The following LYRM4 variants were observed in gnomAD, a reference collection of about 807,000 sequenced individuals.
LYRM4 encodes LYR motif-containing protein 4.
Under a neutral mutation model 11.7 loss-of-function variants are expected in LYRM4, and 9 were observed. The observed-to-expected ratio is 0.77, with a 90% CI of 0.46 to 1.34. The LOEUF is 1.34. Among genes scored for constraint, LYRM4 ranks in the 40% most tolerant of loss-of-function variants. The pLI is 0.00. For synonymous variants in LYRM4, 42 were observed against 40.4 expected, an observed-to-expected ratio of 1.04 and a Z score of -0.15; for missense variants, 133 against 112.5, an observed-to-expected ratio of 1.18 and a Z score of -0.82.
intron 1 of LYRM4, among the ~76,000 whole-genome samples, chr6:5,256,144 CATCAGAAT>C (rs1764654306): frequency 6.6e-6 from 1 of 151,908 alleles, no homozygotes; most frequent in African/African-American, 2.4e-5. Context: ...TTCTAGGGAA[CATCAGAAT>C]TGAAGGAGTT....
intron 1 of LYRM4, among the ~76,000 whole-genome samples, chr6:5,251,706 T>C (rs1027352407): frequency 1.3e-5 from 2 of 152,202 alleles, no homozygotes; most frequent in African/African-American, 4.8e-5. Flanking sequence ...CATTTCAGCA[T>C]GAGATCTGGG....
intron 2 of LYRM4, among the ~76,000 whole-genome samples, chr6:5,173,509 C>T (rs1288274929): frequency 1.3e-5 from 2 of 152,206 alleles, no homozygotes; most frequent in Non-Finnish European, 2.9e-5. Context: ...TTAAAGATGC[C>T]ACACTTTAAA....
intron 2 of LYRM4, among the ~76,000 whole-genome samples, chr6:5,157,739 G>C (rs1182525586): frequency 1.3e-5 from 2 of 152,102 alleles, no homozygotes; most frequent in African/African-American, 4.8e-5. Context: ...AATGCCACAA[G>C]AGGCTGTTCC....
chr6:5,160,652 AC>A (rs56951080), intron 2 of LYRM4, among the ~76,000 whole-genome samples: 115,302 of 147,690 alleles, frequency 0.78, 44,507 homozygotes, highest in East Asian at 0.84. Context: ...TGATTATGAG[AC>A]CCCCCCCCCA....
chr6:5,047,087 A>G, the LYRM4 span, among the ~76,000 whole-genome samples: 1 of 152,032 alleles, frequency 6.6e-6, no homozygotes, highest in Non-Finnish European at 1.5e-5. Context: ...CTGAGACCCT[A>G]TCTCAAAAAA....
At chr6:5,055,942 C>T in the LYRM4 span, among the ~76,000 whole-genome samples, 9 of 151,810 alleles carry the variant, frequency 5.9e-5, no homozygotes, top group South Asian at 1.7e-3. This position sits in a 1 kb window ranked among gnomAD's most constrained non-coding sequence, Gnocchi z 4.5. Flanking sequence ...TTCCTTCTTT[C>T]CTTCCTTCCC....
chr6:5,240,119 T>G (rs978197890), intron 1 of LYRM4, among the ~76,000 whole-genome samples: 34 of 152,316 alleles, frequency 2.2e-4, no homozygotes, highest in East Asian at 1.2e-3. Flanking sequence ...CACCTAGCTC[T>G]GCCAAACCTA....
chr6:5,052,807 A>G, the LYRM4 span, among the ~76,000 whole-genome samples: 1 of 152,228 alleles, frequency 6.6e-6, no homozygotes, highest in Non-Finnish European at 1.5e-5. Context: ...TATGCTGTCT[A>G]AGGAGCCCCT....
intron 1 of LYRM4, among the ~76,000 whole-genome samples, chr6:5,231,269 A>C (rs1418856051): frequency 6.6e-6 from 1 of 152,200 alleles, no homozygotes; most frequent in Non-Finnish European, 1.5e-5. Context: ...CAGTAACCTC[A>C]ACCATTCATA....
chr6:5,203,960 C>G (rs1296244237), intron 2 of LYRM4, among the ~76,000 whole-genome samples: 1 of 152,220 alleles, frequency 6.6e-6, no homozygotes. Flanking sequence ...GCAGCTGTCT[C>G]TTACTTACTG....
the LYRM4 span, among the ~76,000 whole-genome samples, chr6:5,078,910 C>CT: frequency 6.6e-6 from 1 of 152,086 alleles, no homozygotes; most frequent in Non-Finnish European, 1.5e-5. Context: ...TTCTAAAATG[C>CT]TTTTGCTCTT....
chr6:5,187,763 T>C (rs143273906), intron 2 of LYRM4, among the ~76,000 whole-genome samples: 1 of 151,696 alleles, frequency 6.6e-6, no homozygotes, highest in East Asian at 1.9e-4. Flanking sequence ...TAAAAATAAA[T>C]AAATAAAAAT....
intron 1 of LYRM4, among the ~76,000 whole-genome samples, chr6:5,234,323 T>C (rs1010495249): frequency 1.3e-5 from 2 of 152,232 alleles, no homozygotes; most frequent in African/African-American, 4.8e-5. Flanking sequence ...TATCACCCAA[T>C]GGCAAGTGGC....
At chr6:5,119,794 CAAAAA>C (rs968606439) in intron 2 of LYRM4, among the ~76,000 whole-genome samples, 3 of 16,888 alleles carry the variant, frequency 1.8e-4, no homozygotes, top group Admixed American at 7.8e-4. Flanking sequence ...GTCTCCATAA[CAAAAA>C]AAAAAAAAAA....
At chr6:5,167,621 G>A (rs2127662659) in intron 2 of LYRM4, among the ~76,000 whole-genome samples, 1 of 152,278 alleles carries the variant, frequency 6.6e-6, no homozygotes, top group Non-Finnish European at 1.5e-5. Flanking sequence ...TGAATCACAA[G>A]TAGAATTCAC....
At chr6:5,119,310 C>T (rs919927676) in intron 2 of LYRM4, among the ~76,000 whole-genome samples, 4 of 152,122 alleles carry the variant, frequency 2.6e-5, no homozygotes, top group African/African-American at 7.2e-5. Context: ...GGTGCAAGAG[C>T]GTGCACTCTT....
At chr6:5,065,451 A>G in the LYRM4 span, among the ~76,000 whole-genome samples, 1 of 152,246 alleles carries the variant, frequency 6.6e-6, no homozygotes, top group African/African-American at 2.4e-5. Context: ...AGTTTTGTTT[A>G]CTTTCTAAGC....
intron 1 of LYRM4, among the ~76,000 whole-genome samples, chr6:5,233,271 G>C (rs529441717): frequency 6.6e-6 from 1 of 152,238 alleles, no homozygotes; most frequent in Admixed American, 6.5e-5. Context: ...CCGAAAGCAG[G>C]TGACAATCAG....
intron 2 of LYRM4, among the ~76,000 whole-genome samples, chr6:5,207,758 CAGAGAG>C (rs148932327): frequency 6.6e-6 from 1 of 151,244 alleles, no homozygotes; most frequent in Non-Finnish European, 1.5e-5. Context: ...CTTTTGACGG[CAGAGAG>C]AGAGAGAGTT....
Sources: gnomAD v4.1 joint callset for allele counts (sites outside exome capture counted in the v4.1 genomes callset) on GRCh38, gnomAD v4.1.1 for gene constraint, Gnocchi (gnomAD v3.1) non-coding constraint, MANE v1.5 for transcripts, NCBI Gene and HGNC (gene_info 2026-07-23, HGNC 2026-07-21) for gene names.